PYHIN1: variants seen among roughly 807,000 people sequenced by gnomAD.
The protein encoded by PYHIN1 is pyrin and HIN domain-containing protein 1.
PYHIN1 carries 32 observed loss-of-function variants against 43.7 expected under a neutral mutation model. That is an observed-to-expected ratio of 0.73 (90% CI 0.55 to 0.98). The LOEUF (loss-of-function observed/expected upper bound fraction) is 0.98. Among genes scored for constraint, PYHIN1 ranks in the 50% least tolerant of loss-of-function variants. The pLI is 0.00. For missense variants in PYHIN1, 588 were observed against 589.5 expected (o/e 1.00, Z 0.03); for synonymous variants, 205 against 203.1 (o/e 1.01, Z -0.08).
chr1:158,974,036 G>T (rs1443795602), intron 8 of PYHIN1, among the ~76,000 whole-genome samples: 1 of 152,006 alleles, frequency 6.6e-6, no homozygotes, highest in Non-Finnish European at 1.5e-5. Flanking sequence ...ATGTGAGGAG[G>T]TATCCAGACA....
intron 4 of PYHIN1, chr1:158,940,404 G>A (rs856080): frequency 0.21 from 31,633 of 151,864 alleles, 3,331 homozygotes; most frequent in Non-Finnish European, 0.23. Flanking sequence ...TCAGGAGTTT[G>A]GGAAAATGTA....
At chr1:158,964,342 A>G (rs562418019) in intron 7 of PYHIN1, among the ~76,000 whole-genome samples, 3 of 152,338 alleles carry the variant, frequency 2.0e-5, no homozygotes, top group Admixed American at 1.3e-4. Flanking sequence ...ACCTTGTTAG[A>G]GAGGCAAACT....
At chr1:158,970,425 C>T (rs1201188846) in intron 7 of PYHIN1, among the ~76,000 whole-genome samples, 5 of 151,906 alleles carry the variant, frequency 3.3e-5, no homozygotes, top group African/African-American at 9.7e-5. Context: ...TCTCTCATCC[C>T]TCACCCTACT....
At position 158,970,203 on chromosome 1, in the gene PYHIN1, T is replaced by G. The variant is rs1403723538; in HGVS notation, c.1360-3444T>G. 2.0e-5 allele frequency among the ~76,000 whole-genome samples: 3 copies of G among 152,130 alleles called. No individual in the cohort carries two copies. The East Asian group carries it at 5.8e-4, about 29-fold the overall frequency. ...TATGAGGAAAATAATCAGCAATGAT[T>G]TAAATTAATATTCAACCAAAGCTAA... On this transcript the variant is annotated intron_variant, in intron 7 of 8. Coordinates refer to ENST00000368140, the MANE Select transcript of PYHIN1 (RefSeq NM_152501.5).
intron 7 of PYHIN1, among the ~76,000 whole-genome samples, chr1:158,954,698 G>A (rs1429968773): frequency 4.1e-5 from 6 of 147,542 alleles, no homozygotes; most frequent in African/African-American, 7.5e-5. Flanking sequence ...ATCAACTAAC[G>A]AGCAAAATCA....
intron 7 of PYHIN1, among the ~76,000 whole-genome samples, chr1:158,963,988 T>G (rs189744045): frequency 3.3e-5 from 5 of 152,236 alleles, no homozygotes; most frequent in Non-Finnish European, 7.4e-5. Context: ...TCTAAGGGTT[T>G]CAATAAAATG....
At chr1:158,953,475 C>A (rs1477992144) in intron 7 of PYHIN1, among the ~76,000 whole-genome samples, 2 of 150,412 alleles carry the variant, frequency 1.3e-5, no homozygotes, top group East Asian at 2.0e-4. Context: ...TGGGAGGCAC[C>A]CCCCAGCAGG....
chr1:158,979,056 T>A (rs961097295), downstream of PYHIN1, among the ~76,000 whole-genome samples: 3 of 152,200 alleles, frequency 2.0e-5, no homozygotes. Context: ...CTCTAGTGTA[T>A]TAGCAAATGA....
intron 1 of PYHIN1, among the ~76,000 whole-genome samples, chr1:158,932,554 C>T (rs6675945): frequency 0.28 from 42,731 of 151,914 alleles, 6,474 homozygotes; most frequent in African/African-American, 0.39. Flanking sequence ...CTGTATTTTA[C>T]GGTATCTCAA....
At chr1:158,969,211 G>A (rs12061139) in intron 7 of PYHIN1, among the ~76,000 whole-genome samples, 2,917 of 151,974 alleles carry the variant, frequency 0.019, 87 homozygotes, top group African/African-American at 0.066. Context: ...GTCAGACATC[G>A]TTATGGTTTG....
chr1:158,979,483 C>A (rs1225003758), downstream of PYHIN1, among the ~76,000 whole-genome samples: 1 of 152,154 alleles, frequency 6.6e-6, no homozygotes, highest in African/African-American at 2.4e-5. Context: ...GAATTTCATT[C>A]ATGCTGTAAC....
chr1:158,932,941 A>G (rs945797579), intron 1 of PYHIN1, among the ~76,000 whole-genome samples: 1 of 152,038 alleles, frequency 6.6e-6, no homozygotes, highest in African/African-American at 2.4e-5. Context: ...GCAATATCTC[A>G]GTGTACTTGA....
intron 7 of PYHIN1, among the ~76,000 whole-genome samples, chr1:158,972,371 T>A (rs553268091): frequency 1.8e-4 from 28 of 152,126 alleles, no homozygotes; most frequent in African/African-American, 6.5e-4. Context: ...GACTAAATAG[T>A]TTTTTATTTT....
intron 7 of PYHIN1, among the ~76,000 whole-genome samples, chr1:158,966,489 C>T (rs1441787145): frequency 6.6e-6 from 1 of 152,022 alleles, no homozygotes; most frequent in East Asian, 1.9e-4. Flanking sequence ...TACAAGTAAA[C>T]AAAATCTAGC....
At chr1:158,948,277 C>A (rs936179251) in intron 7 of PYHIN1, among the ~76,000 whole-genome samples, 1 of 152,142 alleles carries the variant, frequency 6.6e-6, no homozygotes, top group East Asian at 1.9e-4. Flanking sequence ...TCTTGCACAC[C>A]CTTCCATATG....
Position 158,942,050 on chromosome 1 carries a change from T to C in PYHIN1, c.653T>C (p.Met218Thr). 6.2e-7 allele frequency: 1 copy of C among 1,613,314 alleles called. No individual in the cohort carries two copies. The highest frequency in any genetic ancestry group is 8.5e-7 in the Non-Finnish European group (1 of 1,179,732). Reference protein sequence around the residue: ...NIFREDPIIAMVLNATKVFKY... With the variant: ...NIFREDPIIATVLNATKVFKY... Reference sequence around the variant, plus strand: ...TTCCGAGAAGACCCAATAATCGCGATGGTACTAAATGCAACAAAAGTATTT... The same window carrying C: ...TTCCGAGAAGACCCAATAATCGCGACGGTACTAAATGCAACAAAAGTATTT... Residue 218 changes from methionine to threonine, a missense_variant, in exon 5 of 9, where the codon ATG becomes ACG. Met to Thr is a moderately conservative substitution (Grantham distance 81). Transcript: ENST00000368140.
At chr1:158,934,874 C>A (rs1185271001) in intron 1 of PYHIN1, among the ~76,000 whole-genome samples, 8 of 152,120 alleles carry the variant, frequency 5.3e-5, no homozygotes, top group Admixed American at 5.2e-4. Flanking sequence ...GGATTACAGG[C>A]ACCCACCACC....
intron 7 of PYHIN1, among the ~76,000 whole-genome samples, chr1:158,949,629 A>G (rs947275107): frequency 1.4e-5 from 2 of 145,744 alleles, no homozygotes; most frequent in African/African-American, 5.1e-5. Context: ...GAGAATATGC[A>G]CTGTTTGGTT....
At position 158,939,095 on chromosome 1, in the gene PYHIN1, T is replaced by C. The variant is rs1346014019; in HGVS notation, c.427T>C (p.Ser143Pro). The C allele has an allele frequency of 6.3e-7, 1 of 1,586,238 alleles. No homozygotes were observed. The highest frequency in any genetic ancestry group is 8.5e-7 in the Non-Finnish European group (1 of 1,172,426). Residue 143 changes from serine (S) to proline (P), a missense_variant, in exon 4 of 9, where the codon TCT (serine) becomes CCT (proline). By Grantham distance (74) the Ser-to-Pro change is moderately conservative (BLOSUM62 -1). Coordinates refer to ENST00000368140, the MANE Select transcript of PYHIN1 (RefSeq NM_152501.5). ...CTACTTGTAGAAAAGAAAAAAACCA[T>C]CTGAAGAAGAGACTGGAACCAAAAG... is the stretch of plus-strand genomic sequence containing the variant. ...TLGPQKRKKP[S>P]EEETGTKRSK...
Sources: allele counts gnomAD v4.1 joint callset (sites outside exome capture counted in the v4.1 genomes callset), GRCh38; gene constraint gnomAD v4.1.1; transcripts MANE v1.5; gene names NCBI Gene and HGNC (gene_info 2026-07-23, HGNC 2026-07-21).